Variants in CNTN1 observed in about 807,000 individuals in gnomAD.
The protein encoded by CNTN1 is contactin 1, also known as contactin-1.
CNTN1 carries 38 observed loss-of-function variants against 126.4 expected under a neutral mutation model. The ratio of observed to expected loss-of-function variants is 0.30; its 90% confidence interval spans 0.23 to 0.39. CNTN1 has a LOEUF of 0.39. Among genes scored for constraint, CNTN1 ranks in the 10% least tolerant of loss-of-function variants. CNTN1 has a pLI of 1.00. For synonymous variants in CNTN1, 413 were observed against 422.6 expected (o/e 0.98, Z 0.28); for missense variants, 1,009 against 1,248.4 (o/e 0.81, Z 2.89).
chr12:40,922,853 C>A (rs1378524143), intron 5 of CNTN1, among the ~76,000 whole-genome samples: 1 of 151,766 alleles, frequency 6.6e-6, no homozygotes, highest in Non-Finnish European at 1.5e-5. Flanking sequence ...TGCCTGTAAT[C>A]CCAGCTACTC....
At chr12:40,842,089 G>A (rs1942307752) in intron 1 of CNTN1, among the ~76,000 whole-genome samples, 1 of 151,934 alleles carries the variant, frequency 6.6e-6, no homozygotes, top group Admixed American at 6.6e-5. Flanking sequence ...CCTAATCTAA[G>A]TTAAGTTAAA....
chr12:40,812,032 C>T (rs1429757698), intron 1 of CNTN1, among the ~76,000 whole-genome samples: 1 of 151,050 alleles, frequency 6.6e-6, no homozygotes, highest in African/African-American at 2.4e-5. Flanking sequence ...CATTTATTGC[C>T]ATAACTGTCT....
At chr12:40,922,462 C>A in intron 5 of CNTN1, 34 bp downstream of exon 5, 1 of 1,599,058 alleles carries the variant, frequency 6.3e-7, no homozygotes, top group Non-Finnish European at 8.6e-7. Context: ...AAAGGGCAAG[C>A]GTGTTTAGGT....
intron 1 of CNTN1, among the ~76,000 whole-genome samples, chr12:40,702,521 C>T (rs540899906): frequency 2.6e-5 from 4 of 152,092 alleles, no homozygotes; most frequent in South Asian, 4.2e-4. Context: ...CTCGGCTCCC[C>T]GCAACCTCTG....
intron 1 of CNTN1, among the ~76,000 whole-genome samples, chr12:40,813,470 T>C (rs556780096): frequency 1.6e-4 from 24 of 152,134 alleles, no homozygotes; most frequent in African/African-American, 5.5e-4. Context: ...CTGGGTTAGT[T>C]TGGTGAGATC....
At chr12:41,031,635 T>G (rs1268046583) in intron 23 of CNTN1, among the ~76,000 whole-genome samples, 3 of 152,196 alleles carry the variant, frequency 2.0e-5, no homozygotes. Context: ...ATATAGCTCA[T>G]GTATAGAAGA....
chr12:40,881,282 C>T (rs1467128311), intron 1 of CNTN1, among the ~76,000 whole-genome samples: 1 of 151,802 alleles, frequency 6.6e-6, no homozygotes, highest in Admixed American at 6.6e-5. Flanking sequence ...AGAATGAACA[C>T]GTACTATGGC....
chr12:40,783,806 T>A (rs1939897222), intron 1 of CNTN1, among the ~76,000 whole-genome samples: 2 of 152,154 alleles, frequency 1.3e-5, no homozygotes, highest in Non-Finnish European at 2.9e-5. Context: ...TCATTAATGC[T>A]GAGGTAAATA....
chr12:40,885,911 A>G (rs1184671172), intron 1 of CNTN1, among the ~76,000 whole-genome samples: 1 of 151,974 alleles, frequency 6.6e-6, no homozygotes, highest in Non-Finnish European at 1.5e-5. Context: ...CATTTCTTGT[A>G]CTGATTATTA....
chr12:40,817,522 A>G (rs868186348), intron 1 of CNTN1, among the ~76,000 whole-genome samples: 26 of 110,900 alleles, frequency 2.3e-4, no homozygotes, highest in African/African-American at 8.2e-4. Context: ...TCCTTGGTAA[A>G]TTTTCCTCCA....
intron 1 of CNTN1, among the ~76,000 whole-genome samples, chr12:40,712,204 CTAAT>C (rs1490118411): frequency 6.6e-6 from 1 of 152,114 alleles, no homozygotes; most frequent in Non-Finnish European, 1.5e-5. Context: ...CCTTTCATCA[CTAAT>C]TAACACTGTT....
At chr12:40,976,258 A>G (rs1445006722) in intron 15 of CNTN1, among the ~76,000 whole-genome samples, 1 of 152,178 alleles carries the variant, frequency 6.6e-6, no homozygotes, top group Non-Finnish European at 1.5e-5. Flanking sequence ...GAAAGAAAAA[A>G]GAAAAACAGA....
chr12:40,783,268 T>C lies in CNTN1; in HGVS notation c.-77+90676T>C, dbSNP rs1939876014. Among the ~76,000 whole-genome samples, 3 of 152,102 alleles carry C rather than the reference T, an allele frequency of 2.0e-5. No homozygotes were observed. The South Asian group carries it at 6.2e-4, about 32-fold the overall frequency. On this transcript the variant is annotated intron_variant, in intron 1 of 23. Coordinates refer to ENST00000551295, the MANE Select transcript of CNTN1 (RefSeq NM_001843.4). ...GAATTAGTATAACAATAGAAGAACATAAAGCTGGCATTTTAAACATAATTA... is the reference window on the plus strand; with the variant it reads ...GAATTAGTATAACAATAGAAGAACACAAAGCTGGCATTTTAAACATAATTA...
intron 12 of CNTN1, among the ~76,000 whole-genome samples, chr12:40,940,111 C>T (rs1946216311): frequency 6.6e-6 from 1 of 151,824 alleles, no homozygotes; most frequent in Non-Finnish European, 1.5e-5. Context: ...ATATTGAGTG[C>T]AAAAATTATG....
chr12:41,056,912 ATT>A lies in CNTN1; in HGVS notation c.2981-13045_2981-13044del, dbSNP rs201374035. Reference sequence around the variant, plus strand: ...ATATTATATTTAGATATTTATAAATATTTATAATATTTAGATATTTATAAATA... The same window carrying A: ...ATATTATATTTAGATATTTATAAATATATAATATTTAGATATTTATAAATA... On this transcript the variant is annotated intron_variant, in intron 23 of 23. Transcript: ENST00000551295. 3.6e-3 allele frequency among the ~76,000 whole-genome samples: 310 copies of A among 86,196 alleles called. 11 individuals carry two copies. Among genetic ancestry groups the A allele is most frequent in the African/African-American group, 0.015 (294 of 20,036 alleles). The allele number at this position is 86,196 out of a possible 152,430, so 56.5% of individuals were successfully genotyped here.
chr12:40,718,458 C>T (rs1027668516), intron 1 of CNTN1, among the ~76,000 whole-genome samples: 3 of 152,268 alleles, frequency 2.0e-5, no homozygotes, highest in Middle Eastern at 3.4e-3. Flanking sequence ...GGATTACAGG[C>T]GTGAGCCATC....
chr12:40,752,422 G>T (rs971538319), intron 1 of CNTN1, among the ~76,000 whole-genome samples: 1 of 152,020 alleles, frequency 6.6e-6, no homozygotes, highest in African/African-American at 2.4e-5. Context: ...AATGAATGTC[G>T]ATTATGTAAA....
chr12:40,730,106 C>A (rs1451667413), intron 1 of CNTN1, among the ~76,000 whole-genome samples: 1 of 152,160 alleles, frequency 6.6e-6, no homozygotes, highest in Admixed American at 6.6e-5. Context: ...TTGCTCAACT[C>A]CTTTCAGTGC....
At chr12:40,866,934 A>T (rs73120761) in intron 1 of CNTN1, among the ~76,000 whole-genome samples, 35,944 of 152,006 alleles carry the variant, frequency 0.24, 4,782 homozygotes, top group South Asian at 0.35. Flanking sequence ...TCTGTGCAGG[A>T]TGTTTTTAAG....
Sources: gnomAD v4.1 joint callset for allele counts (sites outside exome capture counted in the v4.1 genomes callset) on GRCh38, gnomAD v4.1.1 for gene constraint, MANE v1.5 for transcripts, NCBI Gene and HGNC (gene_info 2026-07-23, HGNC 2026-07-21) for gene names.